BRI3: variants seen among roughly 807,000 people sequenced by gnomAD.
BRI3 encodes brain protein I3.
BRI3 carries 6 observed loss-of-function variants against 12.8 expected under a neutral mutation model. The ratio of observed to expected loss-of-function variants is 0.47; its 90% CI spans 0.26 to 0.93. The LOEUF is 0.93. Ranked by LOEUF, BRI3 falls within the 40% of genes least tolerant of loss-of-function variation. The pLI is 0.15. For missense variants in BRI3, 134 were observed against 171.1 expected (o/e 0.78, Z 1.21); for synonymous variants, 91 against 76.1 (o/e 1.20, Z -1.02).
chr7:98,296,137 C>A (rs183558963), downstream of BRI3, among the ~76,000 whole-genome samples: 1 of 152,182 alleles, frequency 6.6e-6, no homozygotes, highest in South Asian at 2.1e-4. Flanking sequence ...ACTGTCCCTA[C>A]GGGGCCACCC....
chr7:98,300,591 G>A (rs934531646), intron 1 of BRI3, among the ~76,000 whole-genome samples: 16 of 152,152 alleles, frequency 1.1e-4, no homozygotes, highest in Admixed American at 1.0e-3. Flanking sequence ...CTTGGACAGC[G>A]GCTGCCATTC....
At chr7:98,285,913 G>GAGA (rs1295861163) in intron 2 of BRI3, among the ~76,000 whole-genome samples, 5 of 152,164 alleles carry the variant, frequency 3.3e-5, no homozygotes, top group African/African-American at 9.7e-5. Flanking sequence ...GAAGCCCTGC[G>GAGA]TCTCCCCTTT....
At chr7:98,288,237 C>A (rs1302303302) in intron 2 of BRI3, among the ~76,000 whole-genome samples, 1 of 152,204 alleles carries the variant, frequency 6.6e-6, no homozygotes, top group African/African-American at 2.4e-5. Context: ...CTCCAGCTCC[C>A]CCGGAACCTG....
downstream of BRI3, chr7:98,311,966 A>T (rs1800888996): frequency 1.1e-6 from 1 of 897,138 alleles, no homozygotes. Context: ...AGGTAAGGGG[A>T]TAGAGGTGCG....
intron 2 of BRI3, among the ~76,000 whole-genome samples, chr7:98,288,788 A>AGGTTGGAGGCGG (rs11275179): frequency 6.0e-5 from 9 of 150,682 alleles, no homozygotes; most frequent in East Asian, 2.0e-4. Flanking sequence ...TTTTGTAGGG[A>AGGTTGGAGGCGG]GGGGTCTTTG....
At chr7:98,294,086 G>A (rs539047916), downstream of BRI3, 13 of 1,614,138 alleles carry the variant, frequency 8.1e-6, no homozygotes, top group East Asian at 1.1e-4. Flanking sequence ...GAGAAAAGGC[G>A]GCTTTGCAGT....
the BRI3 span, chr7:98,320,058 G>A: frequency 7.6e-5 from 123 of 1,612,376 alleles, 1 homozygote; most frequent in South Asian, 1.3e-3. Flanking sequence ...ATGCACTTAC[G>A]TTCATATATT....
chr7:98,282,803 C>T (rs1369626679), intron 2 of BRI3: 2 of 236,990 alleles, frequency 8.4e-6, no homozygotes, highest in Non-Finnish European at 8.4e-6. Context: ...TCTGCTTTTT[C>T]CTTCACTTTC....
At chr7:98,282,909 T>G (rs6967457) in intron 2 of BRI3, 60,159 of 158,248 alleles carry the variant, frequency 0.38, 13,125 homozygotes, top group Middle Eastern at 0.54. Context: ...AGGACAGACC[T>G]CAGTGGGAGA....
downstream of BRI3, chr7:98,293,584 G>A (rs371322722): frequency 6.2e-7 from 1 of 1,613,858 alleles, no homozygotes; most frequent in Admixed American, 1.7e-5. Flanking sequence ...CAGTGGCAAA[G>A]GGGTTTTCTC....
chr7:98,304,332 T>C (rs1255749845), upstream of BRI3: 1 of 1,613,708 alleles, frequency 6.2e-7, no homozygotes, highest in Non-Finnish European at 8.5e-7. Flanking sequence ...AACACTGCTA[T>C]TCTCAGACAA....
chr7:98,286,403 A>G (rs1281387318), intron 2 of BRI3, among the ~76,000 whole-genome samples: 1 of 152,176 alleles, frequency 6.6e-6, no homozygotes, highest in East Asian at 1.9e-4. Context: ...GGAATTAGTC[A>G]GTTCCCTAAT....
At chr7:98,296,021 G>GA (rs1562962233), downstream of BRI3, among the ~76,000 whole-genome samples, 2 of 152,262 alleles carry the variant, frequency 1.3e-5, no homozygotes, top group Non-Finnish European at 2.9e-5. Context: ...GAGACACTCG[G>GA]GCAGCCCTGG....
intron 2 of BRI3, among the ~76,000 whole-genome samples, chr7:98,289,536 G>A (rs980771629): frequency 1.3e-5 from 2 of 152,204 alleles, no homozygotes; most frequent in African/African-American, 2.4e-5. Context: ...GCAGGCAGGC[G>A]GCTGCACTGC....
chr7:98,311,832 G>C (rs1446963377), downstream of BRI3, among the ~76,000 whole-genome samples: 1 of 152,086 alleles, frequency 6.6e-6, no homozygotes, highest in Non-Finnish European at 1.5e-5. Flanking sequence ...CTTGAACCCG[G>C]GAGGTGGAGG....
At chr7:98,284,350 G>A (rs530297274) in intron 2 of BRI3, among the ~76,000 whole-genome samples, 25 of 152,334 alleles carry the variant, frequency 1.6e-4, no homozygotes, top group African/African-American at 5.1e-4. Context: ...GCTCCCCGAG[G>A]CTTTGCCTCT....
intron 2 of BRI3, among the ~76,000 whole-genome samples, chr7:98,289,185 T>A (rs898221380): frequency 1.3e-5 from 2 of 152,204 alleles, no homozygotes; most frequent in Non-Finnish European, 2.9e-5. Flanking sequence ...CTCGAACTCC[T>A]GACCTCAGGT....
chr7:98,282,156 C>T (rs1799540032), intron 1 of BRI3, among the ~76,000 whole-genome samples, 195 bp from the exon 2 acceptor site: 1 of 152,202 alleles, frequency 6.6e-6, no homozygotes, highest in Admixed American at 6.5e-5. Context: ...ATCCCTGCCC[C>T]AGATGAACTT....
chr7:98,299,119 G>C (rs1177717589), intron 1 of BRI3, among the ~76,000 whole-genome samples: 1 of 152,122 alleles, frequency 6.6e-6, no homozygotes, highest in Non-Finnish European at 1.5e-5. Context: ...GGGTTCAACT[G>C]ATTCTCCTGC....
Sources: gnomAD v4.1 joint callset for allele counts (sites outside exome capture counted in the v4.1 genomes callset) on GRCh38, gnomAD v4.1.1 for gene constraint, MANE v1.5 for transcripts, NCBI Gene and HGNC (gene_info 2026-07-23, HGNC 2026-07-21) for gene names.